SNTB2: variants seen among roughly 807,000 people sequenced by gnomAD.
SNTB2 encodes the protein beta-2-syntrophin.
Under a neutral mutation model 46.2 loss-of-function variants are expected in SNTB2, and 34 were observed. That is an observed-to-expected ratio of 0.74 (90% CI 0.56 to 0.98). SNTB2 has a LOEUF of 0.98. SNTB2 is among the 50% of genes least tolerant of loss of function. SNTB2 has a pLI of 0.00. For synonymous variants in SNTB2, 290 were observed against 312.6 expected (o/e 0.93, Z 0.76); for missense variants, 603 against 731.4 (o/e 0.82, Z 2.02).
intron 6 of SNTB2, 98 bp from the exon 7 acceptor site, chr16:69,300,734 A>G: frequency 1.2e-6 from 1 of 833,716 alleles, no homozygotes; most frequent in Admixed American, 1.9e-5. Flanking sequence ...TAGCTCTGGC[A>G]CATTCTTTAC....
rs1965309424 is a variant in SNTB2, at chr16:69,305,456, A to G, written c.*4532A>G. On this transcript the variant is annotated 3_prime_UTR_variant, in exon 7 of 7. Coordinates refer to ENST00000336278, the MANE Select transcript of SNTB2 (RefSeq NM_006750.4). ...TCCATGTGGCTGCCATCGGCTGTTG[A>G]TGCCATGAATGAAATGGCTGGTTAG... The G allele has an allele frequency of 6.6e-6, 1 of 152,230 alleles. No individual in the cohort carries two copies. Among genetic ancestry groups the G allele is most frequent in the Admixed American group, 6.5e-5 (1 of 15,278 alleles). 9.4% of individuals were successfully genotyped at this position (152,230 alleles called of 1,614,324 possible).
At chr16:69,193,205 A>G (rs866679764) in intron 1 of SNTB2, among the ~76,000 whole-genome samples, 31 of 151,768 alleles carry the variant, frequency 2.0e-4, no homozygotes, top group African/African-American at 7.0e-4. Context: ...ATCCTGGTCA[A>G]CCTAGTGAGA....
At chr16:69,279,952 C>T (rs574772455) in intron 4 of SNTB2, among the ~76,000 whole-genome samples, 35 of 152,006 alleles carry the variant, frequency 2.3e-4, no homozygotes, top group Admixed American at 5.2e-4. Flanking sequence ...GAGGGAGGGT[C>T]AGCAGATAAA....
chr16:69,255,616 C>T (rs1964766598), intron 2 of SNTB2, among the ~76,000 whole-genome samples: 1 of 150,922 alleles, frequency 6.6e-6, no homozygotes, highest in East Asian at 1.9e-4. Context: ...CACGATGGTT[C>T]ATACCTATAA....
chr16:69,236,316 A>G (rs1242182233), intron 1 of SNTB2, among the ~76,000 whole-genome samples: 1 of 152,166 alleles, frequency 6.6e-6, no homozygotes, highest in Non-Finnish European at 1.5e-5. Context: ...GTCTAGGACA[A>G]TCAACCTGGT....
intron 3 of SNTB2, among the ~76,000 whole-genome samples, chr16:69,264,686 C>T (rs1358971334): frequency 6.6e-6 from 1 of 151,998 alleles, no homozygotes; most frequent in African/African-American, 2.4e-5. Flanking sequence ...AGTACGTGAA[C>T]CTCCAAAGAA....
chr16:69,271,360 T>A (rs184209512), intron 4 of SNTB2, among the ~76,000 whole-genome samples: 41 of 152,244 alleles, frequency 2.7e-4, no homozygotes, highest in African/African-American at 9.4e-4. Flanking sequence ...ATTATGTTTC[T>A]CTTTTAAAAA....
At chr16:69,248,904 G>C (rs1964697583) in intron 2 of SNTB2, among the ~76,000 whole-genome samples, 1 of 148,188 alleles carries the variant, frequency 6.7e-6, no homozygotes, top group Admixed American at 6.7e-5. Context: ...AGGGGCCTTA[G>C]AGAATTAAAT....
intron 4 of SNTB2, among the ~76,000 whole-genome samples, chr16:69,278,514 G>T (rs1248225898): frequency 1.1e-4 from 16 of 148,368 alleles, no homozygotes; most frequent in African/African-American, 3.7e-4. Context: ...GGAGGGCAGT[G>T]GTGCAATCTC....
At chr16:69,247,078 AAAAAG>A (rs1964678072) in intron 2 of SNTB2, among the ~76,000 whole-genome samples, 2 of 150,160 alleles carry the variant, frequency 1.3e-5, no homozygotes, top group Non-Finnish European at 3.0e-5. Flanking sequence ...ATTAAAAAAA[AAAAAG>A]AAGTCTTGTT....
intron 5 of SNTB2, 43 bp downstream of exon 5, chr16:69,284,287 A>G (rs762738159): frequency 2.4e-5 from 36 of 1,517,468 alleles, no homozygotes; most frequent in Non-Finnish European, 3.2e-5. Context: ...ATTAAATAGA[A>G]CTGTTATATA....
chr16:69,222,525 G>A (rs1458659881), intron 1 of SNTB2, among the ~76,000 whole-genome samples: 1 of 151,620 alleles, frequency 6.6e-6, no homozygotes, highest in African/African-American at 2.4e-5. Flanking sequence ...CCTGGGAGGT[G>A]GAGGTTGCAG....
At chr16:69,255,359 G>A (rs1291250431) in intron 2 of SNTB2, among the ~76,000 whole-genome samples, 1 of 151,888 alleles carries the variant, frequency 6.6e-6, no homozygotes, top group African/African-American at 2.4e-5. Context: ...TCAGGAGATC[G>A]AAACCATCTG....
At chr16:69,207,437 C>T (rs1197548843) in intron 1 of SNTB2, among the ~76,000 whole-genome samples, 4 of 151,994 alleles carry the variant, frequency 2.6e-5, no homozygotes, top group Non-Finnish European at 4.4e-5. Context: ...GGATTACAGG[C>T]GTGAGCCACC....
intron 5 of SNTB2, 106 bp from the exon 6 acceptor site, chr16:69,299,484 A>G (rs1965259287): frequency 1.8e-6 from 2 of 1,129,536 alleles, no homozygotes; most frequent in Non-Finnish European, 2.5e-6. Flanking sequence ...GGTATCACAC[A>G]TTCTCAAGAA....
intron 1 of SNTB2, among the ~76,000 whole-genome samples, chr16:69,222,056 T>C (rs1174689181): frequency 1.3e-5 from 2 of 152,244 alleles, no homozygotes; most frequent in African/African-American, 4.8e-5. Flanking sequence ...ACAACATTGT[T>C]TTAAAACTTC....
chr16:69,194,562 T>C (rs1220485448), intron 1 of SNTB2, among the ~76,000 whole-genome samples: 1 of 152,252 alleles, frequency 6.6e-6, no homozygotes, highest in South Asian at 2.1e-4. Context: ...TAAAATTATA[T>C]TAAATCCATA....
intron 1 of SNTB2, among the ~76,000 whole-genome samples, chr16:69,196,164 G>A (rs373798312): frequency 3.3e-5 from 5 of 152,094 alleles, no homozygotes; most frequent in East Asian, 1.9e-4. Flanking sequence ...ACTTGAGCTC[G>A]GGAGATTGAG....
chr16:69,266,996 C>G (rs1204237403), intron 3 of SNTB2, among the ~76,000 whole-genome samples: 1 of 151,924 alleles, frequency 6.6e-6, no homozygotes, highest in Non-Finnish European at 1.5e-5. Flanking sequence ...CCACACCCAG[C>G]CAGTAAAACA....
Sources: allele counts gnomAD v4.1 joint callset (sites outside exome capture counted in the v4.1 genomes callset), GRCh38; gene constraint gnomAD v4.1.1; transcripts MANE v1.5; gene names NCBI Gene and HGNC (gene_info 2026-07-23, HGNC 2026-07-21).